Variants in SRGAP2 observed in about 807,000 individuals in gnomAD.
SRGAP2 encodes the protein SLIT-ROBO Rho GTPase-activating protein 2.
A neutral mutation model predicts 57.2 loss-of-function variants in SRGAP2; 15 were observed. The ratio of observed to expected loss-of-function variants is 0.26; its 90% CI spans 0.18 to 0.40. The LOEUF (loss-of-function observed/expected upper bound fraction) is 0.40. Ranked by LOEUF, SRGAP2 falls within the 10% of genes least tolerant of loss-of-function variation. The pLI, the probability that SRGAP2 is intolerant of heterozygous loss-of-function variation, is 1.00. For missense variants in SRGAP2, 520 were observed against 669.6 expected (o/e 0.78, Z 2.47); for synonymous variants, 249 against 248.0 (o/e 1.00, Z -0.04).
chr1:206,332,425 CCG>C, intron 3 of SRGAP2, among the ~76,000 whole-genome samples: 1 of 150,486 alleles, frequency 6.6e-6, no homozygotes, highest in African/African-American at 2.5e-5. Flanking sequence ...GTTCCATTCT[CCG>C]CCTCACTTTC....
intron 20 of SRGAP2, 21 bp downstream of exon 20, chr1:206,453,401 C>T (rs782072245): frequency 3.3e-6 from 2 of 605,138 alleles, no homozygotes; most frequent in African/African-American, 1.9e-5. Flanking sequence ...CCCATGGCAT[C>T]TTTGGGGGTG....
intron 2 of SRGAP2, among the ~76,000 whole-genome samples, chr1:206,248,998 T>G (rs1205571299): frequency 6.6e-6 from 1 of 152,340 alleles, no homozygotes; most frequent in East Asian, 1.9e-4. Context: ...CTCCAGTGAC[T>G]TTCCAGTTTT....
rs1416612016 is a variant in SRGAP2, at chr1:206,397,688, T to C, written c.832-3733T>C. ...GCTCATTTGATGGCATCTAAGAACGTAGGCTCACTGGAATGTAATTTTCCT... is the reference window on the plus strand; with the variant it reads ...GCTCATTTGATGGCATCTAAGAACGCAGGCTCACTGGAATGTAATTTTCCT... On this transcript the variant is annotated intron_variant, in intron 7 of 22. Coordinates refer to ENST00000573034, the MANE Select transcript of SRGAP2 (RefSeq NM_015326.5). Among the ~76,000 whole-genome samples the C allele has an allele frequency of 4.1e-5, 6 of 146,602 alleles. 1 individual carries two copies. The highest frequency in any genetic ancestry group is 1.6e-4 in the African/African-American group (6 of 36,792).
At chr1:206,356,576 C>T (rs1676453769) in intron 4 of SRGAP2, among the ~76,000 whole-genome samples, 1 of 152,196 alleles carries the variant, frequency 6.6e-6, no homozygotes, top group Non-Finnish European at 1.5e-5. Context: ...CTGCTTCTTG[C>T]CCAGCTTGTC....
chr1:206,255,291 TG>T (rs1230841221), intron 2 of SRGAP2, among the ~76,000 whole-genome samples: 1 of 151,056 alleles, frequency 6.6e-6, no homozygotes, highest in Non-Finnish European at 1.5e-5. Context: ...CAGAATGGGG[TG>T]GGGGGTTGTA....
At chr1:206,229,899 C>T (rs78674381) in intron 2 of SRGAP2, among the ~76,000 whole-genome samples, 1 of 146,540 alleles carries the variant, frequency 6.8e-6, no homozygotes, top group Non-Finnish European at 1.5e-5. Context: ...TCTGGTTATA[C>T]GTTGAGAGAG....
intron 10 of SRGAP2, 91 bp from the exon 11 acceptor site, chr1:206,415,798 C>G (rs563676315): frequency 1.4e-6 from 1 of 706,756 alleles, no homozygotes; most frequent in African/African-American, 1.7e-5. Flanking sequence ...CAAATGACCT[C>G]TATATAGGGG....
chr1:206,334,705 G>A (rs570767606), intron 3 of SRGAP2, among the ~76,000 whole-genome samples: 1 of 152,294 alleles, frequency 6.6e-6, no homozygotes, highest in African/African-American at 2.4e-5. Flanking sequence ...TAATAAGTGT[G>A]TGGATTTCTG....
chr1:206,209,519 G>A (rs1660245204), intron 2 of SRGAP2, among the ~76,000 whole-genome samples: 1 of 152,086 alleles, frequency 6.6e-6, no homozygotes, highest in Non-Finnish European at 1.5e-5. Flanking sequence ...TGCCTCCTTA[G>A]TCAGCCTGCC....
chr1:206,433,206 T>G (rs1661421934), intron 14 of SRGAP2, among the ~76,000 whole-genome samples: 1 of 152,194 alleles, frequency 6.6e-6, no homozygotes, highest in Non-Finnish European at 1.5e-5. Context: ...GGAACTAATA[T>G]TTAATTGGTT....
In SRGAP2 at chr1:206,415,410, G is replaced by A. The variant is rs554371958; in HGVS notation, c.1357-479G>A. ...GCTGTTGAGGATATGGCTCAAAGATGCTCCACATCCTGGGCTTGCAGCTGA... is the reference window on the plus strand; with the variant it reads ...GCTGTTGAGGATATGGCTCAAAGATACTCCACATCCTGGGCTTGCAGCTGA... On this transcript the variant is annotated intron_variant, in intron 10 of 22. Coordinates refer to ENST00000573034, the MANE Select transcript of SRGAP2 (RefSeq NM_015326.5). 9.2e-5 allele frequency among the ~76,000 whole-genome samples: 14 copies of A among 152,316 alleles called. 1 individual carries two copies. The South Asian group carries it at 2.9e-3, about 32-fold the overall frequency.
At position 206,371,731 on chromosome 1, in the gene SRGAP2, C is replaced by CA. The variant is rs1189315186; in HGVS notation, c.424-12272dup. 4.4e-3 allele frequency among the ~76,000 whole-genome samples: 301 copies of CA among 68,696 alleles called. 28 individuals carry two copies. Among genetic ancestry groups the CA allele is most frequent in the East Asian group, 0.03 (49 of 1,654 alleles). The allele number at this position is 68,696 out of a possible 152,430, so 45.1% of individuals were successfully genotyped here. On this transcript the variant is annotated intron_variant, in intron 4 of 22. Coordinates refer to ENST00000573034, the MANE Select transcript of SRGAP2 (RefSeq NM_015326.5). ...GGGCAACTGAGTGAGACTCCGTCTC[C>CA]AAAAAAAAAAAGAAAAAAAATATAG...
At chr1:206,295,969 C>T in intron 2 of SRGAP2, among the ~76,000 whole-genome samples, 1 of 151,046 alleles carries the variant, frequency 6.6e-6, no homozygotes, top group East Asian at 2.0e-4. Flanking sequence ...CTTCCGGCTT[C>T]AAGCAGTCCT....
chr1:206,354,282 A>G (rs1571937484), intron 4 of SRGAP2, among the ~76,000 whole-genome samples: 1 of 152,178 alleles, frequency 6.6e-6, no homozygotes, highest in South Asian at 2.1e-4. Context: ...CTAGGAGGCT[A>G]TTAAATTACT....
chr1:206,416,120 C>T (rs1659683026), intron 11 of SRGAP2, 147 bp downstream of exon 11: 2 of 608,490 alleles, frequency 3.3e-6, no homozygotes, highest in East Asian at 2.8e-5. Context: ...TGTGGAAGCA[C>T]ACACCCCAAA....
chr1:206,413,425 G>T (rs908915214), intron 10 of SRGAP2, among the ~76,000 whole-genome samples: 2 of 152,216 alleles, frequency 1.3e-5, no homozygotes, highest in Non-Finnish European at 2.9e-5. Flanking sequence ...GCTGGCATCT[G>T]GAGCAGATGG....
intron 22 of SRGAP2, among the ~76,000 whole-genome samples, 184 bp downstream of exon 22, chr1:206,459,131 C>T (rs781888063): frequency 6.6e-6 from 1 of 152,218 alleles, no homozygotes; most frequent in East Asian, 1.9e-4. Flanking sequence ...GCCTGTCCCT[C>T]TCTCCCCAGG....
At chr1:206,442,298 A>G (rs1003935861) in intron 17 of SRGAP2, among the ~76,000 whole-genome samples, 4 of 152,202 alleles carry the variant, frequency 2.6e-5, no homozygotes, top group Non-Finnish European at 5.9e-5. Context: ...CTTTGGGTTG[A>G]ACACCCCAGT....
At chr1:206,421,890 A>G (rs1481319420) in intron 13 of SRGAP2, among the ~76,000 whole-genome samples, 1 of 152,234 alleles carries the variant, frequency 6.6e-6, no homozygotes, top group Non-Finnish European at 1.5e-5. Context: ...AGTGGCATGG[A>G]TAATCCACAT....
Sources: allele counts gnomAD v4.1 joint callset (sites outside exome capture counted in the v4.1 genomes callset), GRCh38; gene constraint gnomAD v4.1.1; transcripts MANE v1.5; gene names NCBI Gene and HGNC (gene_info 2026-07-23, HGNC 2026-07-21).